The following LSM14A variants were observed in gnomAD, a reference collection of about 807,000 sequenced individuals.
The protein encoded by LSM14A is protein LSM14 homolog A.
LSM14A carries 14 observed loss-of-function variants against 52.4 expected under a neutral mutation model. That is an observed-to-expected ratio of 0.27 (90% CI 0.18 to 0.42). The LOEUF (loss-of-function observed/expected upper bound fraction) is 0.42. Among genes scored for constraint, LSM14A ranks in the 10% least tolerant of loss-of-function variants. The pLI, the probability that LSM14A is intolerant of heterozygous loss-of-function variation, is 1.00. For synonymous variants in LSM14A, 185 were observed against 200.3 expected, an observed-to-expected ratio of 0.92 and a Z score of 0.64; for missense variants, 417 against 581.8, an observed-to-expected ratio of 0.72 and a Z score of 2.91.
At chr19:34,220,079 C>T (rs1194247921) in intron 8 of LSM14A, among the ~76,000 whole-genome samples, 1 of 152,150 alleles carries the variant, frequency 6.6e-6, no homozygotes, top group Non-Finnish European at 1.5e-5. Context: ...AAGCAATCCT[C>T]CCATCTCAGC....
intron 1 of LSM14A, among the ~76,000 whole-genome samples, chr19:34,181,614 T>C (rs2069488365): frequency 6.6e-6 from 1 of 152,214 alleles, no homozygotes; most frequent in Non-Finnish European, 1.5e-5. Flanking sequence ...TCTCACTGGT[T>C]ACCTCTCAAT....
chr19:34,175,027 A>G (rs777917991), intron 1 of LSM14A, among the ~76,000 whole-genome samples: 2 of 152,232 alleles, frequency 1.3e-5, no homozygotes, highest in African/African-American at 4.8e-5. Flanking sequence ...AAAACTTTTC[A>G]GCAGCTTTTA....
Position 34,214,404 on chromosome 19 carries a change from C to T in LSM14A, c.539-720C>T, listed in dbSNP as rs1042614403. 2.0e-5 allele frequency among the ~76,000 whole-genome samples: 3 copies of T among 151,680 alleles called. No individual in the cohort carries two copies. In the East Asian group the frequency reaches 5.8e-4, roughly 29 times the overall value. On this transcript the variant is annotated intron_variant, in intron 4 of 9. Coordinates refer to ENST00000544216, the MANE Select transcript of LSM14A (RefSeq NM_015578.4). ...TCGGCTCACTGCAGCTTCTGCCTCC[C>T]GGGTTCAAGCTATCCCATCTCAGCC...
intron 1 of LSM14A, among the ~76,000 whole-genome samples, chr19:34,180,429 G>A (rs2069398726): frequency 6.6e-6 from 1 of 152,176 alleles, no homozygotes; most frequent in Non-Finnish European, 1.5e-5. Flanking sequence ...TTTCAATAGG[G>A]ATGGATAATA....
rs374761870 is a variant in LSM14A at position 34,213,107 on chromosome 19, C to T, written c.539-2017C>T. The stretch of plus-strand genomic sequence containing the variant: ...TAGAAGTTGCAGCGAGCTGTGATTG[C>T]GCCACTGCACTCCAGCCAGAGCAAC... On this transcript the variant is annotated intron_variant, in intron 4 of 9. Coordinates refer to ENST00000544216, the MANE Select transcript of LSM14A (RefSeq NM_015578.4). Among the ~76,000 whole-genome samples the T allele has an allele frequency of 4.0e-4, 61 of 151,216 alleles. No homozygotes were observed. The South Asian group carries it at 4.2e-3, about 10-fold the overall frequency.
chr19:34,211,025 G>A (rs977584362), intron 4 of LSM14A, among the ~76,000 whole-genome samples: 5 of 151,882 alleles, frequency 3.3e-5, no homozygotes, highest in Non-Finnish European at 5.9e-5. Flanking sequence ...AGTTCTGGCC[G>A]GGCACGATGG....
At position 34,172,769 on chromosome 19, in the gene LSM14A, C is replaced by T. The variant is rs200217267; in HGVS notation, c.121+6C>T. 2.7e-3 allele frequency: 4,300 copies of T among 1,566,714 alleles called. 10 individuals carry two copies. The highest frequency in any genetic ancestry group is 3.4e-3 in the Non-Finnish European group (3,953 of 1,158,812). ...CACCGTAGCCCTTGCCAAAGGTACG[C>T]GGGACCGGGCCTCAGGGTGGGGGCC... On this transcript the variant is annotated splice_donor_region_variant and intron_variant, in intron 1 of 9. Coordinates refer to ENST00000544216, the MANE Select transcript of LSM14A (RefSeq NM_015578.4).
At chr19:34,200,138 TA>T (rs1393193026) in intron 3 of LSM14A, among the ~76,000 whole-genome samples, 3 of 152,214 alleles carry the variant, frequency 2.0e-5, no homozygotes, top group Non-Finnish European at 4.4e-5. Flanking sequence ...GAAATGGGCT[TA>T]TATATCCAGA....
At chr19:34,183,864 T>G (rs1450258841) in intron 1 of LSM14A, among the ~76,000 whole-genome samples, 1 of 152,112 alleles carries the variant, frequency 6.6e-6, no homozygotes, top group African/African-American at 2.4e-5. Flanking sequence ...TGGGTATAAG[T>G]TACAATACTA....
chr19:34,223,900 T>C (rs1179852784), intron 9 of LSM14A, among the ~76,000 whole-genome samples: 5 of 152,178 alleles, frequency 3.3e-5, no homozygotes, highest in African/African-American at 1.2e-4. Context: ...TTAAAGATCA[T>C]TAAACTTTCA....
intron 8 of LSM14A, among the ~76,000 whole-genome samples, chr19:34,220,744 A>G (rs1470594500): frequency 6.6e-6 from 1 of 152,184 alleles, no homozygotes; most frequent in Admixed American, 6.5e-5. Context: ...AGCAGCAATA[A>G]TTCAGATACT....
chr19:34,181,143 C>T (rs1277246469), intron 1 of LSM14A, among the ~76,000 whole-genome samples: 1 of 152,176 alleles, frequency 6.6e-6, no homozygotes, highest in Non-Finnish European at 1.5e-5. Flanking sequence ...ACCACCCTTC[C>T]ACTTGTGCAG....
Position 34,228,832 on chromosome 19 carries a change from CA to C in LSM14A, c.*1445del, listed in dbSNP as rs1005942942. The C allele has an allele frequency of 1.3e-5, 2 of 152,590 alleles. No homozygotes were observed. The highest frequency in any genetic ancestry group is 2.9e-5 in the Non-Finnish European group (2 of 68,042). 9.5% of individuals were successfully genotyped at this position (152,590 alleles called of 1,614,324 possible). On this transcript the variant is annotated 3_prime_UTR_variant, in exon 10 of 10. Coordinates refer to ENST00000544216, the MANE Select transcript of LSM14A (RefSeq NM_015578.4). ...AATTGGAATATTTAAGGCTGGTTGA[CA>C]TTTTTTATTTTCATTTTATATCTTT...
At chr19:34,192,319 G>GTTGTTTTTT (rs60512063) in intron 1 of LSM14A, among the ~76,000 whole-genome samples, 8 of 53,402 alleles carry the variant, frequency 1.5e-4, no homozygotes, top group African/African-American at 6.5e-4. Flanking sequence ...TCTTTTTGTT[G>GTTGTTTTTT]TTTTTTTTTT....
chr19:34,180,784 A>G (rs1343080892), intron 1 of LSM14A, among the ~76,000 whole-genome samples: 4 of 152,034 alleles, frequency 2.6e-5, no homozygotes, highest in Non-Finnish European at 5.9e-5. Context: ...AGAAATCACA[A>G]CCCTGATTAT....
chr19:34,215,740 AT>A, intron 6 of LSM14A, 79 bp downstream of exon 6: 1 of 1,049,252 alleles, frequency 9.5e-7, no homozygotes, highest in East Asian at 2.6e-5. Flanking sequence ...CATAATTACT[AT>A]AAAAAAATGA....
chr19:34,202,934 G>A (rs936507218), intron 3 of LSM14A, among the ~76,000 whole-genome samples: 5 of 152,220 alleles, frequency 3.3e-5, no homozygotes, highest in African/African-American at 1.2e-4. Context: ...TAGGATTACA[G>A]GCGTGAGCCA....
chr19:34,199,005 A>G (rs893226513), intron 3 of LSM14A, among the ~76,000 whole-genome samples: 12 of 152,154 alleles, frequency 7.9e-5, no homozygotes, highest in Non-Finnish European at 1.6e-4. Context: ...AACAAAAAAA[A>G]CCACACAGAG....
At chr19:34,209,957 A>G (rs1445585049) in intron 4 of LSM14A, among the ~76,000 whole-genome samples, 2 of 152,028 alleles carry the variant, frequency 1.3e-5, no homozygotes, top group East Asian at 1.9e-4. Flanking sequence ...GCCCCAAACA[A>G]GCCTCCCACT....
Sources: allele counts gnomAD v4.1 joint callset (sites outside exome capture counted in the v4.1 genomes callset), GRCh38; gene constraint gnomAD v4.1.1; transcripts MANE v1.5; gene names NCBI Gene and HGNC (gene_info 2026-07-23, HGNC 2026-07-21).